The following AADACL4 variants were observed in gnomAD, a reference collection of about 807,000 sequenced individuals.
AADACL4 encodes the protein arylacetamide deacetylase like 4, also known as arylacetamide deacetylase-like 4.
AADACL4 carries 9 observed loss-of-function variants against 14.1 expected under a neutral mutation model. That is an observed-to-expected ratio of 0.64 (90% CI 0.39 to 1.12). The LOEUF (loss-of-function observed/expected upper bound fraction) is 1.12. Among genes scored for constraint, AADACL4 ranks in the 50% most tolerant of loss-of-function variants. The pLI is 0.01. For missense variants in AADACL4, 531 were observed against 516.1 expected (o/e 1.03, Z -0.28); for synonymous variants, 188 against 201.6 (o/e 0.93, Z 0.57).
rs1419767951 is a variant in AADACL4 at position 12,644,617 on chromosome 1, T to C, written c.71T>C (p.Val24Ala). Residue 24 changes from valine (V) to alanine (A), a missense_variant, in exon 1 of 4, where the codon GTC becomes GCC. By Grantham distance (64) the Val-to-Ala change is moderately conservative. Coordinates refer to ENST00000376221, the MANE Select transcript of AADACL4 (RefSeq NM_001013630.2). ...IFFLGVFVWA[V>A]FEHFLTTDIP... Reference sequence around the variant, plus strand: ...TTCCTGGGGGTCTTTGTCTGGGCTGTCTTTGAGCACTTCCTCACCACGGAT... The same window carrying C: ...TTCCTGGGGGTCTTTGTCTGGGCTGCCTTTGAGCACTTCCTCACCACGGAT... 1 of 1,614,174 alleles carries C rather than the reference T, an allele frequency of 6.2e-7. No homozygotes were observed.
intron 1 of AADACL4, among the ~76,000 whole-genome samples, chr1:12,647,228 G>A (rs11804040): frequency 0.02 from 3,023 of 151,554 alleles, 99 homozygotes; most frequent in African/African-American, 0.064. Context: ...CATGTAGCTC[G>A]GACCACAGGC....
chr1:12,659,377 T>C (rs1647209229), intron 2 of AADACL4, among the ~76,000 whole-genome samples: 2 of 152,140 alleles, frequency 1.3e-5, no homozygotes, highest in Admixed American at 6.5e-5. Context: ...TCAGGCTCAA[T>C]GGATGAGGAG....
chr1:12,644,150 A>G lies in AADACL4; in HGVS notation c.-397A>G, dbSNP rs554419299. On this transcript the variant is annotated 5_prime_UTR_variant, in exon 1 of 4. Coordinates refer to ENST00000376221, the MANE Select transcript of AADACL4 (RefSeq NM_001013630.2). Reference sequence around the variant, plus strand: ...CACCCTAACCACACTCTGACAAGGAAAGCTGGCGAAGTCTCTTATCTTACA... The same window carrying G: ...CACCCTAACCACACTCTGACAAGGAGAGCTGGCGAAGTCTCTTATCTTACA... Among the ~76,000 whole-genome samples the G allele has an allele frequency of 1.3e-5, 2 of 152,294 alleles. No homozygotes were observed. The highest frequency in any genetic ancestry group is 1.3e-4 in the Admixed American group (2 of 15,296).
intron 3 of AADACL4, among the ~76,000 whole-genome samples, 198 bp downstream of exon 3, chr1:12,662,052 T>A (rs1297201463): frequency 6.6e-6 from 1 of 151,932 alleles, no homozygotes; most frequent in Non-Finnish European, 1.5e-5. Context: ...GGGGCGTGCA[T>A]GAATAAACCT....
Position 12,658,240 on chromosome 1 carries a change from C to CCCTT in AADACL4, c.386-3534_386-3531dup, listed in dbSNP as rs567579693. ...TCCTCCCTTCCTCACTCCCTCCTTC[C>CCCTT]CCTTCCTTCCTTCCTTCCTTTTTCT... On this transcript the variant is annotated intron_variant, in intron 2 of 3. Transcript: ENST00000376221. Among the ~76,000 whole-genome samples, 767 of 141,008 alleles carry CCCTT rather than the reference C, an allele frequency of 5.4e-3. 1 individual carries two copies. The highest frequency in any genetic ancestry group is 9.7e-3 in the Admixed American group (135 of 13,988). The allele number at this position is 141,008 out of a possible 152,430, so 92.5% of individuals were successfully genotyped here.
intron 2 of AADACL4, among the ~76,000 whole-genome samples, chr1:12,658,024 T>C (rs1647192476): frequency 6.8e-6 from 1 of 147,708 alleles, no homozygotes; most frequent in South Asian, 2.1e-4. Flanking sequence ...CTCTCTTTCT[T>C]TCTCTTTCTT....
intron 2 of AADACL4, among the ~76,000 whole-genome samples, chr1:12,658,061 C>CT (rs757998612): frequency 1.4e-5 from 2 of 142,564 alleles, no homozygotes; most frequent in Admixed American, 6.8e-5. Flanking sequence ...TCCTTCCTTT[C>CT]TTTTTCTCTT....
intron 2 of AADACL4, among the ~76,000 whole-genome samples, chr1:12,653,633 C>T (rs769783506): frequency 7.9e-5 from 12 of 152,162 alleles, no homozygotes; most frequent in Non-Finnish European, 1.5e-4. Flanking sequence ...GTAATGAGCG[C>T]AAATCCTGGG....
rs146604940 is a variant in AADACL4 at position 12,649,720 on chromosome 1, A to G, written c.169-1403A>G. On this transcript the variant is annotated intron_variant, in intron 1 of 3. Transcript: ENST00000376221. Reference sequence around the variant, plus strand: ...ACTGGGGAGACACTCTATGTAGGTGATCACATCCCATCCTCACACCTCATC... The same window carrying G: ...ACTGGGGAGACACTCTATGTAGGTGGTCACATCCCATCCTCACACCTCATC... Among the ~76,000 whole-genome samples, 3 of 152,276 alleles carry G rather than the reference A, an allele frequency of 2.0e-5. No homozygotes were observed. The East Asian group carries it at 5.8e-4, about 29-fold the overall frequency.
chr1:12,644,447 G>C lies in AADACL4; in HGVS notation c.-100G>C, dbSNP rs6687577. 47,732 of 1,370,988 alleles carry C rather than the reference G, an allele frequency of 0.035. 1,043 individuals carry two copies. Among genetic ancestry groups the C allele is most frequent in the African/African-American group, 0.091 (6,324 of 69,284 alleles). 84.9% of individuals were successfully genotyped at this position (1,370,988 alleles called of 1,614,324 possible). A position where few individuals can be genotyped will look rare whatever the true frequency, so the allele number is the denominator to read the frequency against. On this transcript the variant is annotated 5_prime_UTR_variant, in exon 1 of 4. Transcript: ENST00000376221. ...AGGTGTCAGGCTTAGCCCAGAGAGA[G>C]TGAGGTGGAGGAGGCGGAGGGTGTA...
At position 12,666,301 on chromosome 1, in the gene AADACL4, C is replaced by A. The variant is rs560787141; in HGVS notation, c.790C>A (p.Arg264Ser). ...CNYLAIDLSW[R>S]DAILNGTCVP... ...CTATCTGGCCATTGACCTCTCCTGG[C>A]GTGACGCCATCTTGAACGGCACTTG... Residue 264 changes from arginine to serine, a missense_variant, in exon 4 of 4, where the codon CGT becomes AGT. By Grantham distance (110) the Arg-to-Ser change is moderately radical (BLOSUM62 -1). Coordinates refer to ENST00000376221, the MANE Select transcript of AADACL4 (RefSeq NM_001013630.2). 9 of 1,614,088 alleles carry A rather than the reference C, an allele frequency of 5.6e-6. No homozygotes were observed. The highest frequency in any genetic ancestry group is 7.6e-6 in the Non-Finnish European group (9 of 1,180,048).
chr1:12,649,683 T>C (rs1348658999), intron 1 of AADACL4, among the ~76,000 whole-genome samples: 3 of 152,234 alleles, frequency 2.0e-5, no homozygotes, highest in African/African-American at 7.2e-5. Context: ...GGGCTCACAC[T>C]GGCCAGGACC....
chr1:12,666,210 A>T lies in AADACL4; in HGVS notation c.699A>T (p.Pro233=), dbSNP rs781587315. ...PVVQAFCLQL[P]SFQQNQNVPL... ...TCCAGGCATTCTGTTTGCAGTTGCC[A>T]TCCTTTCAGCAGAACCAAAATGTCC... The change falls in exon 4 of 4, where the codon CCA becomes CCT. Residue 233 remains proline (P), a synonymous_variant. Coordinates refer to ENST00000376221, the MANE Select transcript of AADACL4 (RefSeq NM_001013630.2). 5.6e-6 allele frequency: 9 copies of T among 1,614,250 alleles called. No individual in the cohort carries two copies. The Admixed American group carries it at 1.5e-4, about 27-fold the overall frequency.
Position 12,644,403 on chromosome 1 carries a change from T to C in AADACL4, c.-144T>C, listed in dbSNP as rs376215339. The C allele has an allele frequency of 1.1e-6, 1 of 886,534 alleles. No homozygotes were observed. Among genetic ancestry groups the C allele is most frequent in the Admixed American group, 2.8e-5 (1 of 36,096 alleles). The allele number at this position is 886,534 out of a possible 1,614,324, so 54.9% of individuals were successfully genotyped here. Reference sequence around the variant, plus strand: ...CCTTTTTGTGCTTACCCTGAGAAGCTGTGTCAGGCCACTGTGTCAGGTGTC... The same window carrying C: ...CCTTTTTGTGCTTACCCTGAGAAGCCGTGTCAGGCCACTGTGTCAGGTGTC... On this transcript the variant is annotated 5_prime_UTR_variant, in exon 1 of 4. Transcript: ENST00000376221.
In AADACL4 at chr1:12,665,925, A is replaced by C. The variant is rs1290540832; in HGVS notation, c.450-36A>C. 3 of 1,561,842 alleles carry C rather than the reference A, an allele frequency of 1.9e-6. No individual in the cohort carries two copies. In the South Asian group the frequency reaches 3.7e-5, roughly 19 times the overall value. Reference sequence around the variant, plus strand: ...AAACAGCTCCCTAGCAACACTGTCCACACTGGTGTAGTGTTGCTCCCTGTT... The same window carrying C: ...AAACAGCTCCCTAGCAACACTGTCCCCACTGGTGTAGTGTTGCTCCCTGTT... On this transcript the variant is annotated intron_variant, in intron 3 of 3. Transcript: ENST00000376221.
intron 1 of AADACL4, among the ~76,000 whole-genome samples, chr1:12,647,630 C>T (rs927079263): frequency 2.0e-5 from 3 of 151,734 alleles, no homozygotes; most frequent in African/African-American, 7.3e-5. Context: ...ATAACAAACA[C>T]TATTGCTTTT....
chr1:12,665,767 C>A (rs1176815529), intron 3 of AADACL4, among the ~76,000 whole-genome samples, 194 bp from the exon 4 acceptor site: 2 of 152,022 alleles, frequency 1.3e-5, no homozygotes, highest in Admixed American at 1.3e-4. Flanking sequence ...AGTTAAGAAT[C>A]CTTGCCTGTA....
chr1:12,655,217 G>A (rs1390220603), intron 2 of AADACL4, among the ~76,000 whole-genome samples: 1 of 152,120 alleles, frequency 6.6e-6, no homozygotes, highest in Non-Finnish European at 1.5e-5. Context: ...TGATTTTGGG[G>A]TGCCATCAAC....
intron 1 of AADACL4, among the ~76,000 whole-genome samples, chr1:12,646,268 C>T (rs79535093): frequency 0.011 from 1,648 of 152,280 alleles, 52 homozygotes; most frequent in East Asian, 0.084. Flanking sequence ...GTCACTCACT[C>T]GCTGTGCGGT....
Sources: gnomAD v4.1 joint callset for allele counts (sites outside exome capture counted in the v4.1 genomes callset) on GRCh38, gnomAD v4.1.1 for gene constraint, MANE v1.5 for transcripts, NCBI Gene and HGNC (gene_info 2026-07-23, HGNC 2026-07-21) for gene names.